The following CEMIP variants were observed in gnomAD, a reference collection of about 807,000 sequenced individuals.
CEMIP encodes cell migration-inducing and hyaluronan-binding protein.
Under a neutral mutation model 156.9 loss-of-function variants are expected in CEMIP, and 105 were observed. The observed-to-expected ratio is 0.67, with a 90% CI of 0.57 to 0.79. The LOEUF (loss-of-function observed/expected upper bound fraction) is 0.79, where lower values mean the gene tolerates loss of function less well. Ranked by LOEUF, CEMIP falls within the 30% of genes least tolerant of loss-of-function variation. The pLI, the probability that CEMIP is intolerant of heterozygous loss-of-function variation, is 0.00. For missense variants in CEMIP, 1,457 were observed against 1,769.4 expected (o/e 0.82, Z 3.17); for synonymous variants, 676 against 668.4 (o/e 1.01, Z -0.17).
chr15:80,805,526 T>A (rs867878026), intron 1 of CEMIP, among the ~76,000 whole-genome samples: 1 of 152,148 alleles, frequency 6.6e-6, no homozygotes, highest in Admixed American at 6.5e-5. Context: ...AGCTCAGGAG[T>A]AGTGTTGTTC....
chr15:80,943,114 C>T lies in CEMIP; in HGVS notation c.3857+12C>T. 3.7e-6 allele frequency: 6 copies of T among 1,614,136 alleles called. No individual in the cohort carries two copies. The highest frequency in any genetic ancestry group is 4.2e-6 in the Non-Finnish European group (5 of 1,179,958). ...ACCATCCCTGACAAGTGAGTCTGTACCTCTGCTTCTGGAATTGGCTGCTGG... is the reference window on the plus strand; with the variant it reads ...ACCATCCCTGACAAGTGAGTCTGTATCTCTGCTTCTGGAATTGGCTGCTGG... On this transcript the variant is annotated intron_variant, in intron 28 of 29. Coordinates refer to ENST00000394685, the MANE Select transcript of CEMIP (RefSeq NM_001293298.2).
At position 80,910,985 on chromosome 15, in the gene CEMIP, A is replaced by T. The variant is rs189021868; in HGVS notation, c.1797+1679A>T. 1.7e-3 allele frequency among the ~76,000 whole-genome samples: 255 copies of T among 152,354 alleles called. 1 individual carries two copies. The highest frequency in any genetic ancestry group is 3.4e-3 in the Middle Eastern group (1 of 294). On this transcript the variant is annotated intron_variant, in intron 14 of 29. Transcript: ENST00000394685. ...TAAATTCAGAATGTCAGGGATAAGCATGGGCTCTGGAGCCAGACTTCCTGG... is the reference window on the plus strand; with the variant it reads ...TAAATTCAGAATGTCAGGGATAAGCTTGGGCTCTGGAGCCAGACTTCCTGG...
At chr15:80,808,786 CA>C (rs34648120) in intron 1 of CEMIP, among the ~76,000 whole-genome samples, 95,801 of 143,992 alleles carry the variant, frequency 0.67, 31,640 homozygotes, top group East Asian at 0.88. Context: ...ATGGGGAAGC[CA>C]AAAAAAAAAA....
Position 80,926,056 on chromosome 15 carries a change from G to A in CEMIP, c.2420+301G>A, listed in dbSNP as rs531005912. Among the ~76,000 whole-genome samples the A allele has an allele frequency of 5.7e-4, 87 of 152,334 alleles. No individual in the cohort carries two copies. In the Middle Eastern group the frequency reaches 0.017, roughly 30 times the overall value. ...TCATGCGGACCATCAGCTAAGGGAG[G>A]GAAGAAGAAAGAAGCCAGAACATTC... On this transcript the variant is annotated intron_variant, in intron 19 of 29. Coordinates refer to ENST00000394685, the MANE Select transcript of CEMIP (RefSeq NM_001293298.2).
intron 1 of CEMIP, among the ~76,000 whole-genome samples, chr15:80,796,576 T>C (rs1896231781): frequency 6.6e-6 from 1 of 152,224 alleles, no homozygotes; most frequent in African/African-American, 2.4e-5. Flanking sequence ...AAGCCACCAA[T>C]ACATTTATCA....
At chr15:80,855,633 C>G (rs1308532639) in intron 1 of CEMIP, among the ~76,000 whole-genome samples, 5 of 152,148 alleles carry the variant, frequency 3.3e-5, no homozygotes. Flanking sequence ...GGTTCAGCTC[C>G]TGTCTCGGCC....
chr15:80,870,248 G>A (rs767644669), intron 1 of CEMIP, among the ~76,000 whole-genome samples: 2 of 152,132 alleles, frequency 1.3e-5, no homozygotes, highest in Non-Finnish European at 2.9e-5. Flanking sequence ...GGGTAGGGAC[G>A]GGGATGGCTG....
At chr15:80,792,163 T>G (rs1198542554) in intron 1 of CEMIP, among the ~76,000 whole-genome samples, 1 of 152,220 alleles carries the variant, frequency 6.6e-6, no homozygotes, top group Non-Finnish European at 1.5e-5. Context: ...GGCTGGGTTC[T>G]TCCATTCAAC....
chr15:80,816,703 G>A (rs1279831012), intron 1 of CEMIP, among the ~76,000 whole-genome samples: 1 of 152,164 alleles, frequency 6.6e-6, no homozygotes, highest in Non-Finnish European at 1.5e-5. Flanking sequence ...GTTTGCATGA[G>A]GAAGGGTGGG....
intron 1 of CEMIP, among the ~76,000 whole-genome samples, chr15:80,787,053 G>A (rs992778593): frequency 1.2e-4 from 19 of 152,166 alleles, no homozygotes; most frequent in African/African-American, 2.7e-4. Flanking sequence ...AGAGGCGCAG[G>A]GTTGCGGGTG....
intron 1 of CEMIP, among the ~76,000 whole-genome samples, chr15:80,796,369 A>G (rs1896224072): frequency 1.3e-5 from 2 of 152,208 alleles, no homozygotes; most frequent in Non-Finnish European, 2.9e-5. Flanking sequence ...GGCTGCAGTG[A>G]AATCCACTGT....
chr15:80,844,191 G>A (rs929197350), intron 1 of CEMIP, among the ~76,000 whole-genome samples: 2 of 152,242 alleles, frequency 1.3e-5, no homozygotes, highest in African/African-American at 2.4e-5. Context: ...CGGAGCAGCT[G>A]GTCAGTGGGC....
chr15:80,935,017 A>C (rs1901065063), intron 23 of CEMIP, among the ~76,000 whole-genome samples: 1 of 152,058 alleles, frequency 6.6e-6, no homozygotes, highest in Non-Finnish European at 1.5e-5. Context: ...CCCAGTGGAG[A>C]CTGGAGGCGG....
intron 1 of CEMIP, among the ~76,000 whole-genome samples, chr15:80,840,322 C>T (rs1316072533): frequency 6.6e-6 from 1 of 152,118 alleles, no homozygotes; most frequent in African/African-American, 2.4e-5. Flanking sequence ...ACGAGTCATT[C>T]ATGGGGACTC....
chr15:80,854,911 T>C (rs1441688197), intron 1 of CEMIP, among the ~76,000 whole-genome samples: 2 of 152,150 alleles, frequency 1.3e-5, no homozygotes, highest in African/African-American at 2.4e-5. Context: ...GGGGTCAAAC[T>C]ATGTCTATGG....
intron 1 of CEMIP, among the ~76,000 whole-genome samples, chr15:80,854,680 C>CG (rs1472515721): frequency 6.6e-6 from 1 of 152,116 alleles, no homozygotes; most frequent in Non-Finnish European, 1.5e-5. Context: ...TGAATCCTCT[C>CG]GAAACCTCAA....
At chr15:80,817,763 G>T (rs1355360753) in intron 1 of CEMIP, among the ~76,000 whole-genome samples, 2 of 151,994 alleles carry the variant, frequency 1.3e-5, no homozygotes, top group Non-Finnish European at 2.9e-5. Flanking sequence ...GCAAATTGTG[G>T]CTTTATTCTT....
At chr15:80,847,905 C>G (rs1031529776) in intron 1 of CEMIP, among the ~76,000 whole-genome samples, 4 of 152,188 alleles carry the variant, frequency 2.6e-5, no homozygotes, top group African/African-American at 9.6e-5. Context: ...ATGCTCGACT[C>G]TTCCTGAGAT....
chr15:80,779,962 G>C (rs923802666), intron 1 of CEMIP, among the ~76,000 whole-genome samples: 3 of 152,164 alleles, frequency 2.0e-5, no homozygotes, highest in African/African-American at 7.2e-5. Context: ...ATGGCACCGG[G>C]GGCTTGCGCC....
Sources: allele counts gnomAD v4.1 joint callset (sites outside exome capture counted in the v4.1 genomes callset), GRCh38; gene constraint gnomAD v4.1.1; transcripts MANE v1.5; gene names NCBI Gene and HGNC (gene_info 2026-07-23, HGNC 2026-07-21).